WDR5: variants seen among roughly 807,000 people sequenced by gnomAD.
WDR5 encodes WD repeat domain 5.
For missense variants in WDR5, 187 were observed against 416.9 expected (o/e 0.45, Z 4.80); for synonymous variants, 144 against 161.6 (o/e 0.89, Z 0.83).
intron 1 of WDR5, among the ~76,000 whole-genome samples, chr9:134,138,225 G>A (rs1193803084): frequency 6.6e-6 from 1 of 152,172 alleles, no homozygotes; most frequent in Non-Finnish European, 1.5e-5. Context: ...ACTCACCCAG[G>A]TGAGTTGATG....
intron 1 of WDR5, among the ~76,000 whole-genome samples, chr9:134,137,666 T>G (rs1168980682): frequency 7.9e-5 from 3 of 37,874 alleles, no homozygotes; most frequent in African/African-American, 2.4e-4. Flanking sequence ...GGACTGTGTC[T>G]CAAAAAAAAA....
intron 7 of WDR5, among the ~76,000 whole-genome samples, chr9:134,142,972 G>A (rs1003130158): frequency 4.6e-5 from 7 of 152,186 alleles, no homozygotes; most frequent in Non-Finnish European, 1.0e-4. Flanking sequence ...CCAAGGGGCC[G>A]TTTGTGCAGA....
chr9:134,154,384 G>T, intron 9 of WDR5, 82 bp from the exon 10 acceptor site: 1 of 1,415,642 alleles, frequency 7.1e-7, no homozygotes, highest in Non-Finnish European at 1.0e-6. Context: ...GTCGCACGTG[G>T]GGGATGGGGA....
intron 8 of WDR5, among the ~76,000 whole-genome samples, chr9:134,149,341 G>A (rs944263174): frequency 2.6e-5 from 4 of 152,256 alleles, no homozygotes; most frequent in Non-Finnish European, 4.4e-5. Flanking sequence ...CTGTGATGGC[G>A]TTTGGGGCTG....
chr9:134,135,876 G>T (rs1831509839), upstream of WDR5: 1 of 151,064 alleles, frequency 6.6e-6, no homozygotes, highest in Admixed American at 6.6e-5. Flanking sequence ...TTTAGGAAGT[G>T]CATTAGAAGG....
chr9:134,154,505 C>T lies in WDR5; in HGVS notation c.671C>T (p.Pro224Leu). The change falls in exon 10 of 14, where the codon CCG becomes CTG. Residue 224 changes from proline to leucine, a missense_variant. Coordinates refer to ENST00000358625, the MANE Select transcript of WDR5 (RefSeq NM_017588.3). ...NPPVSFVKFSPNGKYILAATL... is the reference protein window; with the variant it reads ...NPPVSFVKFSLNGKYILAATL... ...CCCGTGTCTTTTGTGAAGTTCTCCC[C>T]GAACGGCAAATACATCCTGGCCGCC... 1 of 1,614,178 alleles carries T rather than the reference C, an allele frequency of 6.2e-7. No homozygotes were observed. The highest frequency in any genetic ancestry group is 8.5e-7 in the Non-Finnish European group (1 of 1,180,030).
upstream of WDR5, chr9:134,135,926 G>A (rs545568641): frequency 6.6e-6 from 1 of 152,152 alleles, no homozygotes. Flanking sequence ...GCTTTTAAGC[G>A]GGAAGCGCGC....
rs200230802 is a variant in WDR5 at position 134,156,558 on chromosome 9, C to T, written c.869C>T (p.Thr290Met). 7 of 1,614,206 alleles carry T rather than the reference C, an allele frequency of 4.3e-6. No individual in the cohort carries two copies. The highest frequency in any genetic ancestry group is 4.2e-6 in the Non-Finnish European group (5 of 1,180,046). Residue 290 changes from threonine (T) to methionine (M), a missense_variant, in exon 13 of 14, where the codon ACG (threonine) becomes ATG (methionine). By Grantham distance (81) the Thr-to-Met change is moderately conservative (BLOSUM62 -1). Coordinates refer to ENST00000358625, the MANE Select transcript of WDR5 (RefSeq NM_017588.3). ...CTTGTTTACATCTGGAACCTTCAGA[C>T]GAAAGAGATTGTACAGAAACTACAA... ...DNLVYIWNLQTKEIVQKLQGH... is the reference protein window; with the variant it reads ...DNLVYIWNLQMKEIVQKLQGH...
chr9:134,141,390 G>A (rs117392604), intron 3 of WDR5, 120 bp from the exon 4 acceptor site: 10,287 of 932,152 alleles, frequency 0.011, 80 homozygotes, highest in Non-Finnish European at 0.015. Flanking sequence ...AATGGGTTCT[G>A]AGCCATGTGG....
intron 7 of WDR5, among the ~76,000 whole-genome samples, chr9:134,146,392 G>A (rs1050643769): frequency 5.3e-5 from 8 of 152,186 alleles, no homozygotes; most frequent in Middle Eastern, 3.4e-3. Context: ...ATGCCACCAC[G>A]CCTGGTTAAG....
intron 5 of WDR5, 57 bp from the exon 6 acceptor site, chr9:134,142,276 G>A: frequency 6.4e-7 from 1 of 1,553,124 alleles, no homozygotes; most frequent in Non-Finnish European, 8.9e-7. Flanking sequence ...AATGTGACCT[G>A]ACTCTTACGT....
chr9:134,136,580 C>T (rs535975908), intron 1 of WDR5, among the ~76,000 whole-genome samples: 11 of 152,158 alleles, frequency 7.2e-5, no homozygotes, highest in Non-Finnish European at 1.2e-4. Context: ...GCCACTCAGT[C>T]CCTGGACGAG....
intron 5 of WDR5, 136 bp downstream of exon 5, chr9:134,142,174 G>A: frequency 1.1e-6 from 1 of 922,044 alleles, no homozygotes; most frequent in Non-Finnish European, 1.7e-6. Flanking sequence ...GGGGCATGGG[G>A]CGGGGGTGGG....
At chr9:134,152,943 A>G (rs767566332) in intron 9 of WDR5, among the ~76,000 whole-genome samples, 3 of 152,104 alleles carry the variant, frequency 2.0e-5, no homozygotes, top group Non-Finnish European at 2.9e-5. Flanking sequence ...TCTTGTAAGG[A>G]CACCACCCTT....
intron 10 of WDR5, among the ~76,000 whole-genome samples, 192 bp from the exon 11 acceptor site, chr9:134,155,146 CTG>C (rs1832690100): frequency 6.6e-6 from 1 of 152,258 alleles, no homozygotes; most frequent in African/African-American, 2.4e-5. Context: ...GGCTGTCACA[CTG>C]TGCTCTCAGA....
rs1832518254 is a variant in WDR5, at chr9:134,152,049, G to T, written c.631+20G>T. On this transcript the variant is annotated intron_variant, in intron 9 of 13. Transcript: ENST00000358625. ...TCATCGGTGAGTGTGGCTCTGTGTG[G>T]GGGCTGGGTCTGTGGGGAGGGCCTC... 1 of 1,613,144 alleles carries T rather than the reference G, an allele frequency of 6.2e-7. No homozygotes were observed. The highest frequency in any genetic ancestry group is 8.5e-7 in the Non-Finnish European group (1 of 1,179,616).
intron 7 of WDR5, among the ~76,000 whole-genome samples, chr9:134,147,744 G>T (rs1273860039): frequency 2.0e-5 from 3 of 152,194 alleles, no homozygotes; most frequent in Admixed American, 1.3e-4. Flanking sequence ...CCTTGGCTGG[G>T]TGCAGTGGCT....
rs75142405 is a variant in WDR5 at position 134,154,898 on chromosome 9, C to T, written c.707+357C>T. Among the ~76,000 whole-genome samples, 1,347 of 152,350 alleles carry T rather than the reference C, an allele frequency of 8.8e-3. 12 individuals are homozygous for T. Among genetic ancestry groups the T allele is most frequent in the Non-Finnish European group, 0.014 (972 of 68,042 alleles). ...CATCTTGATTTTACCTCTCACAAAG[C>T]CACTGCCCTCCTGGGCTGTTCTCTA... On this transcript the variant is annotated intron_variant, in intron 10 of 13. Coordinates refer to ENST00000358625, the MANE Select transcript of WDR5 (RefSeq NM_017588.3).
At chr9:134,152,846 T>A (rs902728348) in intron 9 of WDR5, among the ~76,000 whole-genome samples, 5 of 152,192 alleles carry the variant, frequency 3.3e-5, no homozygotes, top group Non-Finnish European at 5.9e-5. Flanking sequence ...GTGGTCAGGA[T>A]TGAGGAGGCC....
Sources: gnomAD v4.1 joint callset for allele counts (sites outside exome capture counted in the v4.1 genomes callset) on GRCh38, gnomAD v4.1.1 for gene constraint, MANE v1.5 for transcripts, NCBI Gene and HGNC (gene_info 2026-07-23, HGNC 2026-07-21) for gene names.